Variants in DENND6A observed in about 807,000 individuals in gnomAD.
The protein encoded by DENND6A is DENN domain containing 6A, also known as protein DENND6A.
A neutral mutation model predicts 95.5 loss-of-function variants in DENND6A; 43 were observed. The observed-to-expected ratio is 0.45, with a 90% CI of 0.35 to 0.58. DENND6A has a LOEUF of 0.58. Among genes scored for constraint, DENND6A ranks in the 20% least tolerant of loss-of-function variants. The pLI is 0.00. For missense variants in DENND6A, 574 were observed against 736.0 expected (o/e 0.78, Z 2.55); for synonymous variants, 257 against 260.4 (o/e 0.99, Z 0.13).
intron 3 of DENND6A, among the ~76,000 whole-genome samples, chr3:57,667,608 T>G (rs1278380558): frequency 6.6e-6 from 1 of 152,220 alleles, no homozygotes; most frequent in African/African-American, 2.4e-5. Flanking sequence ...GTGGTTAAGC[T>G]AGGTTGCTGA....
chr3:57,645,200 C>A (rs1328847438), intron 11 of DENND6A, among the ~76,000 whole-genome samples: 1 of 152,064 alleles, frequency 6.6e-6, no homozygotes, highest in Non-Finnish European at 1.5e-5. Flanking sequence ...TGGTGGCTCA[C>A]ACCTGTAATC....
At chr3:57,666,277 A>G (rs766127581) in intron 3 of DENND6A, 42 bp from the exon 4 acceptor site, 2 of 1,449,680 alleles carry the variant, frequency 1.4e-6, no homozygotes, top group South Asian at 2.4e-5. Flanking sequence ...ATAGCTTAGT[A>G]TAACATTTAT....
intron 7 of DENND6A, among the ~76,000 whole-genome samples, chr3:57,659,903 G>A (rs1395019297): frequency 6.6e-6 from 1 of 152,106 alleles, no homozygotes; most frequent in African/African-American, 2.4e-5. Flanking sequence ...ATCTGTTTCT[G>A]CATATCACTC....
At chr3:57,630,289 CAT>C in intron 18 of DENND6A, 130 bp downstream of exon 18, 1 of 724,810 alleles carries the variant, frequency 1.4e-6, no homozygotes, top group Non-Finnish European at 2.1e-6. Context: ...GCACATAGCA[CAT>C]GATCTAGAAA....
At chr3:57,640,179 G>C (rs1042993097) in intron 12 of DENND6A, among the ~76,000 whole-genome samples, 1 of 150,864 alleles carries the variant, frequency 6.6e-6, no homozygotes, top group Admixed American at 6.6e-5. Context: ...TGAGGCAGGA[G>C]AATCTCCTGA....
At chr3:57,686,852 A>G (rs2077215912) in intron 1 of DENND6A, among the ~76,000 whole-genome samples, 1 of 152,154 alleles carries the variant, frequency 6.6e-6, no homozygotes, top group South Asian at 2.1e-4. Flanking sequence ...TAACTCTATA[A>G]TGGCCTCTAA....
At chr3:57,663,133 A>G (rs911812930) in intron 5 of DENND6A, among the ~76,000 whole-genome samples, 1 of 145,518 alleles carries the variant, frequency 6.9e-6, no homozygotes, top group African/African-American at 2.6e-5. Flanking sequence ...CCTGGGCGAC[A>G]AGAGCAAAAC....
rs1288057062 is a variant in DENND6A, at chr3:57,627,944, C to G, written c.*270G>C. The G allele has an allele frequency of 3.5e-6, 1 of 287,328 alleles. No homozygotes were observed. Among genetic ancestry groups the G allele is most frequent in the Non-Finnish European group, 6.5e-6 (1 of 154,620 alleles). 17.8% of individuals were successfully genotyped at this position (287,328 alleles called of 1,614,324 possible). The stretch of plus-strand genomic sequence containing the variant: ...TCACTAATACTGATGGCCCACAAGT[C>G]TCTCATAAGAGCACTTTAGAACATG... On this transcript the variant is annotated 3_prime_UTR_variant, in exon 20 of 20. Coordinates refer to ENST00000311128, the MANE Select transcript of DENND6A (RefSeq NM_152678.3).
At chr3:57,682,431 T>G (rs1205094950) in intron 1 of DENND6A, among the ~76,000 whole-genome samples, 2 of 152,168 alleles carry the variant, frequency 1.3e-5, no homozygotes, top group African/African-American at 4.8e-5. Context: ...ACTTTCCTGC[T>G]TCTTCCCTTG....
At chr3:57,663,839 T>C (rs889026933) in intron 4 of DENND6A, 123 bp from the exon 5 acceptor site, 5 of 475,838 alleles carry the variant, frequency 1.1e-5, no homozygotes, top group African/African-American at 1.0e-4. Context: ...AATCAAGACA[T>C]GAGATATACA....
chr3:57,692,867 C>T lies in DENND6A; in HGVS notation c.152G>A (p.Gly51Asp). The T allele has an allele frequency of 1.3e-6, 2 of 1,586,318 alleles. No homozygotes were observed. The highest frequency in any genetic ancestry group is 1.7e-4 in the Middle Eastern group (1 of 5,940). The change falls in exon 1 of 20, where the codon GGC (glycine) becomes GAC (aspartate). Residue 51 changes from glycine to aspartate, a missense_variant. Transcript: ENST00000311128. Reference sequence around the variant, plus strand: ...GGAGAAGCTGTCCCAGCGCAGCAGGCCCCGGCCACGGCCATCGTCCTCTTC... The same window carrying T: ...GGAGAAGCTGTCCCAGCGCAGCAGGTCCCGGCCACGGCCATCGTCCTCTTC... ...DDEEDDGRGR[G>D]LLRWDSFSAW... is the part of the protein sequence containing the mutation.
rs559505823 is a variant in DENND6A at position 57,660,237 on chromosome 3, C to T, written c.699+523G>A. On this transcript the variant is annotated intron_variant, in intron 7 of 19. Transcript: ENST00000311128. ...GAGACAGGGTCTCGCTTTTGTCCTG[C>T]AGGCTGGAATGCAGTGATGCAAACC... Among the ~76,000 whole-genome samples, 8 of 150,454 alleles carry T rather than the reference C, an allele frequency of 5.3e-5. No homozygotes were observed. The South Asian group carries it at 1.7e-3, about 31-fold the overall frequency.
chr3:57,632,021 C>CTTTTTT (rs771800755), intron 15 of DENND6A, among the ~76,000 whole-genome samples: 2 of 96,032 alleles, frequency 2.1e-5, no homozygotes, highest in East Asian at 3.1e-4. Context: ...CGCGCCCGGC[C>CTTTTTT]TTTTTTTTTT....
chr3:57,641,613 C>A lies in DENND6A; in HGVS notation c.1132+40G>T, dbSNP rs1437327883. ...GAAAAGAAAGAAACCTGTTCAGCAA[C>A]ACTGCACACTAGAAACAGAACACCA... is the stretch of plus-strand genomic sequence containing the variant. On this transcript the variant is annotated intron_variant, in intron 12 of 19. Transcript: ENST00000311128. 8 of 1,540,546 alleles carry A rather than the reference C, an allele frequency of 5.2e-6. 1 individual carries two copies. In the South Asian group the frequency reaches 9.6e-5, roughly 19 times the overall value.
intron 1 of DENND6A, among the ~76,000 whole-genome samples, chr3:57,683,300 A>G (rs2077182882): frequency 6.6e-6 from 1 of 152,250 alleles, no homozygotes; most frequent in South Asian, 2.1e-4. Context: ...AAATAATTAC[A>G]ATTGCTAACT....
chr3:57,658,339 G>A (rs965050236), intron 8 of DENND6A, among the ~76,000 whole-genome samples: 1 of 151,846 alleles, frequency 6.6e-6, no homozygotes, highest in Non-Finnish European at 1.5e-5. Flanking sequence ...GACCAGCCTG[G>A]GTAACAGAGT....
chr3:57,659,038 A>G (rs1224523732), intron 8 of DENND6A, 80 bp downstream of exon 8: 17 of 1,318,954 alleles, frequency 1.3e-5, no homozygotes, highest in Non-Finnish European at 1.6e-5. Context: ...AAACTCAAGA[A>G]ACTCTGCATT....
At chr3:57,645,903 A>G in intron 10 of DENND6A, 147 bp from the exon 11 acceptor site, 1 of 626,868 alleles carries the variant, frequency 1.6e-6, no homozygotes, top group Non-Finnish European at 2.7e-6. Flanking sequence ...ACAGAATTAG[A>G]AAGACAGATA....
rs1303497250 is a variant in DENND6A, at chr3:57,660,771, C to A, written c.688G>T (p.Val230Leu). Residue 230 changes from valine to leucine, a missense_variant, in exon 7 of 20, where the codon GTG becomes TTG. This residue lies in a region of DENND6A where 452 missense variants were observed against 630.9 expected (regional missense o/e 0.72). Transcript: ENST00000311128. ...GKTLHLPIMGVVMKVRIPTCH... is the reference protein window; with the variant it reads ...GKTLHLPIMGLVMKVRIPTCH... Reference sequence around the variant, plus strand: ...ATATAAGATATTACCTTCATTACCACCCCCATGATTGGCAGGTGTAATGTT... The same window carrying A: ...ATATAAGATATTACCTTCATTACCAACCCCATGATTGGCAGGTGTAATGTT... 8 of 1,607,512 alleles carry A rather than the reference C, an allele frequency of 5.0e-6. No homozygotes were observed. Among genetic ancestry groups the A allele is most frequent in the East Asian group, 2.2e-5 (1 of 44,520 alleles).
Sources: allele counts gnomAD v4.1 joint callset (sites outside exome capture counted in the v4.1 genomes callset), GRCh38; gene constraint gnomAD v4.1.1; regional missense constraint gnomAD v4.1.1; transcripts MANE v1.5; gene names NCBI Gene and HGNC (gene_info 2026-07-23, HGNC 2026-07-21).